The following ESRRG variants were observed in gnomAD, a reference collection of about 807,000 sequenced individuals.
ESRRG encodes estrogen-related receptor gamma.
ESRRG carries 13 observed loss-of-function variants against 44.0 expected under a neutral mutation model. That is an observed-to-expected ratio of 0.30 (90% CI 0.19 to 0.47). ESRRG has a LOEUF of 0.47. ESRRG is among the 20% of genes least tolerant of loss of function. The probability of loss-of-function intolerance (pLI) is 1.00; values close to 1 mark genes in which losing one functional copy is unlikely to be tolerated. For synonymous variants in ESRRG, 215 were observed against 214.6 expected (o/e 1.00, Z -0.02); for missense variants, 395 against 580.6 (o/e 0.68, Z 3.29).
chr1:216,815,819 C>T (rs747923944), intron 2 of ESRRG, among the ~76,000 whole-genome samples: 2 of 152,206 alleles, frequency 1.3e-5, no homozygotes, highest in African/African-American at 2.4e-5. Flanking sequence ...CTATTTAAAA[C>T]TATTCCCCGC....
chr1:216,891,286 G>A (rs1198224078), intron 2 of ESRRG, among the ~76,000 whole-genome samples: 2 of 152,102 alleles, frequency 1.3e-5, no homozygotes, highest in African/African-American at 2.4e-5. Context: ...AGCTCAACAA[G>A]TAATGGAGTT....
chr1:216,931,748 A>T (rs2149825737), intron 2 of ESRRG, among the ~76,000 whole-genome samples: 1 of 152,186 alleles, frequency 6.6e-6, no homozygotes, highest in South Asian at 2.1e-4. Context: ...TGTTGAAAAG[A>T]CATACAAAAT....
At chr1:216,707,623 A>T (rs1167842638) in intron 1 of ESRRG, 1 of 862,816 alleles carries the variant, frequency 1.2e-6, no homozygotes, top group Non-Finnish European at 1.7e-6. Flanking sequence ...GGTATGAAAA[A>T]TCCCATTTTT....
intron 2 of ESRRG, among the ~76,000 whole-genome samples, chr1:216,895,074 G>T (rs2058261074): frequency 6.6e-6 from 1 of 152,124 alleles, no homozygotes; most frequent in Non-Finnish European, 1.5e-5. Context: ...CACCATGCCA[G>T]AAATATGCTT....
intron 2 of ESRRG, among the ~76,000 whole-genome samples, chr1:216,658,396 A>G (rs2071198876): frequency 6.6e-6 from 1 of 152,146 alleles, no homozygotes; most frequent in South Asian, 2.1e-4. Context: ...ACCATCAACT[A>G]AACACTAGGC....
At chr1:216,813,599 C>G (rs1048673699) in intron 2 of ESRRG, among the ~76,000 whole-genome samples, 10 of 152,026 alleles carry the variant, frequency 6.6e-5, no homozygotes, top group Non-Finnish European at 1.3e-4. Flanking sequence ...TTCGCTTGAC[C>G]AATGGTGAGC....
chr1:216,804,031 A>AT (rs2094707363), intron 2 of ESRRG, among the ~76,000 whole-genome samples: 1 of 26,200 alleles, frequency 3.8e-5, no homozygotes, highest in Non-Finnish European at 1.3e-4. Flanking sequence ...TTAAGGCAGA[A>AT]TAAAAAAAAA....
rs918201725 is a variant in ESRRG, at chr1:217,037,981, T to A, written c.-106+51526A>T. Among the ~76,000 whole-genome samples the A allele has an allele frequency of 1.1e-4, 16 of 152,086 alleles. No homozygotes were observed. In the East Asian group the frequency reaches 2.9e-3, roughly 28 times the overall value. On this transcript the variant is annotated intron_variant, in intron 1 of 7. Transcript: ENST00000359162. Reference sequence around the variant, plus strand: ...AGGTCATGCTGATGCAAAAGGGGGGTTCTCATAGTCTTGGGCAGCTCTGCC... The same window carrying A: ...AGGTCATGCTGATGCAAAAGGGGGGATCTCATAGTCTTGGGCAGCTCTGCC...
intron 1 of ESRRG, among the ~76,000 whole-genome samples, chr1:217,052,913 T>G (rs2086309819): frequency 6.6e-6 from 1 of 152,124 alleles, no homozygotes; most frequent in African/African-American, 2.4e-5. Context: ...ATGGGAGCTT[T>G]GATGAAAATA....
At chr1:216,764,593 T>C (rs2092979420) in intron 2 of ESRRG, among the ~76,000 whole-genome samples, 1 of 151,960 alleles carries the variant, frequency 6.6e-6, no homozygotes, top group Non-Finnish European at 1.5e-5. Flanking sequence ...TAACTCCTGG[T>C]CTCAAGCAAA....
chr1:216,615,352 T>C (rs988075717), intron 3 of ESRRG, among the ~76,000 whole-genome samples: 1 of 152,226 alleles, frequency 6.6e-6, no homozygotes, highest in African/African-American at 2.4e-5. Flanking sequence ...ACTTTCAAGT[T>C]CTTTGGCATA....
At chr1:217,035,336 A>AAG (rs981119359) in intron 1 of ESRRG, among the ~76,000 whole-genome samples, 20 of 151,338 alleles carry the variant, frequency 1.3e-4, no homozygotes, top group Admixed American at 2.6e-4. Context: ...AAAAAAAAAA[A>AAG]AAAAAGTGGT....
At chr1:216,525,513 C>A (rs1026550235) in intron 5 of ESRRG, among the ~76,000 whole-genome samples, 6 of 126,724 alleles carry the variant, frequency 4.7e-5, no homozygotes, top group Admixed American at 3.0e-4. Flanking sequence ...ATGGGCTGAG[C>A]TGCCTTAAGT....
intron 1 of ESRRG, among the ~76,000 whole-genome samples, chr1:216,963,711 G>T (rs1186486680): frequency 6.6e-6 from 1 of 152,162 alleles, no homozygotes; most frequent in Non-Finnish European, 1.5e-5. Context: ...ATCACGTTGT[G>T]CTCTCTGATG....
chr1:217,053,175 C>T (rs2086405807), intron 1 of ESRRG, among the ~76,000 whole-genome samples: 1 of 144,352 alleles, frequency 6.9e-6, no homozygotes, highest in Admixed American at 6.8e-5. Context: ...AAAGAAAAGG[C>T]TGGGCAGGGT....
chr1:217,015,555 T>C (rs1489309992), intron 1 of ESRRG, among the ~76,000 whole-genome samples: 5 of 152,158 alleles, frequency 3.3e-5, no homozygotes, highest in Admixed American at 1.3e-4. Context: ...TCCTGATACA[T>C]GGAAATTTCC....
chr1:217,091,347 A>G (rs906263270), upstream of ESRRG, among the ~76,000 whole-genome samples: 1 of 152,192 alleles, frequency 6.6e-6, no homozygotes, highest in African/African-American at 2.4e-5. Context: ...ATTGAGAGAA[A>G]AACTTTTGAA....
intron 5 of ESRRG, among the ~76,000 whole-genome samples, chr1:216,537,341 C>A (rs575695483): frequency 1.3e-5 from 2 of 152,174 alleles, no homozygotes; most frequent in East Asian, 3.9e-4. Context: ...ACTTCCTAGC[C>A]TCTAGAACCA....
intron 1 of ESRRG, among the ~76,000 whole-genome samples, chr1:216,706,581 T>G (rs556274695): frequency 4.1e-4 from 63 of 152,168 alleles, no homozygotes; most frequent in Non-Finnish European, 8.1e-4. Context: ...CACTTGCAAT[T>G]GGAAACTTAC....
Sources: allele counts gnomAD v4.1 joint callset (sites outside exome capture counted in the v4.1 genomes callset), GRCh38; gene constraint gnomAD v4.1.1; transcripts MANE v1.5; gene names NCBI Gene and HGNC (gene_info 2026-07-23, HGNC 2026-07-21).